KCNH1: variants seen among roughly 807,000 people sequenced by gnomAD.
KCNH1 encodes the protein voltage-gated delayed rectifier potassium channel KCNH1.
KCNH1 carries 27 observed loss-of-function variants against 69.2 expected under a neutral mutation model. That is an observed-to-expected ratio of 0.39 (90% CI 0.29 to 0.54). KCNH1 has a LOEUF of 0.54. KCNH1 is among the 20% of genes least tolerant of loss of function. The pLI is 0.68. For missense variants in KCNH1, 798 were observed against 1,261.6 expected (o/e 0.63, Z 5.57); for synonymous variants, 456 against 487.7 (o/e 0.93, Z 0.86).
chr1:211,119,075 T>C lies in KCNH1; in HGVS notation c.80-11698A>G, dbSNP rs184582903. Among the ~76,000 whole-genome samples the C allele has an allele frequency of 2.6e-5, 4 of 152,290 alleles. No homozygotes were observed. The East Asian group carries it at 7.7e-4, about 29-fold the overall frequency. On this transcript the variant is annotated intron_variant, in intron 1 of 10. Transcript: ENST00000271751. ...ATCAGTACTCTTACAAAAAGCAAGTTTGAGGCCGGGCGCGGTGGCTCATGC... is the reference window on the plus strand; with the variant it reads ...ATCAGTACTCTTACAAAAAGCAAGTCTGAGGCCGGGCGCGGTGGCTCATGC...
At chr1:210,863,872 C>A (rs190433128) in intron 7 of KCNH1, among the ~76,000 whole-genome samples, 1 of 152,278 alleles carries the variant, frequency 6.6e-6, no homozygotes, top group Non-Finnish European at 1.5e-5. Context: ...TCTGTCAACC[C>A]TGACCTCTCC....
intron 1 of KCNH1, 108 bp from the exon 2 acceptor site, chr1:211,107,485 T>TGGAGGG: frequency 2.7e-6 from 3 of 1,121,948 alleles, no homozygotes; most frequent in Non-Finnish European, 3.8e-6. Context: ...TCTGATTCCC[T>TGGAGGG]CCAAAACATA....
At chr1:210,734,777 A>G (rs1166617726) in intron 10 of KCNH1, among the ~76,000 whole-genome samples, 1 of 151,948 alleles carries the variant, frequency 6.6e-6, no homozygotes, top group African/African-American at 2.4e-5. Flanking sequence ...TGGAGAGGGT[A>G]CCCGTTTGAA....
intron 9 of KCNH1, among the ~76,000 whole-genome samples, chr1:210,790,670 T>G (rs1169765726): frequency 6.6e-6 from 1 of 152,228 alleles, no homozygotes; most frequent in Admixed American, 6.5e-5. Context: ...GGGCATGTGG[T>G]GTTGTATTTG....
intron 10 of KCNH1, among the ~76,000 whole-genome samples, chr1:210,735,954 G>T (rs1456128633): frequency 6.6e-6 from 1 of 152,098 alleles, no homozygotes; most frequent in Non-Finnish European, 1.5e-5. Context: ...TTTCATTATA[G>T]TGATTTTAAT....
chr1:210,762,264 A>G (rs535972226), intron 10 of KCNH1, among the ~76,000 whole-genome samples: 4 of 152,210 alleles, frequency 2.6e-5, no homozygotes, highest in African/African-American at 7.2e-5. Context: ...CTAAATGCCT[A>G]TATCAAGAAG....
chr1:210,904,494 G>C (rs537164084), intron 7 of KCNH1, among the ~76,000 whole-genome samples: 20 of 152,272 alleles, frequency 1.3e-4, no homozygotes, highest in African/African-American at 4.8e-4. Flanking sequence ...CCAAAGGCCA[G>C]TGGTACAAAT....
chr1:210,832,433 T>A (rs1377935286), intron 7 of KCNH1, among the ~76,000 whole-genome samples: 1 of 152,240 alleles, frequency 6.6e-6, no homozygotes, highest in Non-Finnish European at 1.5e-5. Flanking sequence ...ATCTACTTTT[T>A]AAAACTGCTC....
intron 6 of KCNH1, among the ~76,000 whole-genome samples, chr1:210,969,492 A>G (rs4951696): frequency 0.079 from 11,966 of 152,108 alleles, 664 homozygotes; most frequent in South Asian, 0.18. Flanking sequence ...AAGTTTTTCT[A>G]TTATTTTAAT....
chr1:210,718,492 G>GTA (rs1221952922), intron 10 of KCNH1, among the ~76,000 whole-genome samples: 1 of 20,942 alleles, frequency 4.8e-5, no homozygotes, highest in Non-Finnish European at 8.6e-5. Context: ...ATACATATAT[G>GTA]TATATATATA....
At chr1:210,886,968 A>G (rs979299997) in intron 7 of KCNH1, among the ~76,000 whole-genome samples, 6 of 152,158 alleles carry the variant, frequency 3.9e-5, no homozygotes, top group Non-Finnish European at 8.8e-5. Flanking sequence ...GTTGGAAAAC[A>G]CTCTTCAGGA....
At chr1:210,884,258 C>T (rs923262404) in intron 7 of KCNH1, among the ~76,000 whole-genome samples, 5 of 152,126 alleles carry the variant, frequency 3.3e-5, no homozygotes, top group African/African-American at 1.2e-4. Flanking sequence ...GCATCAAGTC[C>T]AACAATGTGG....
intron 7 of KCNH1, chr1:210,859,662 T>C (rs1428974905): frequency 1.3e-5 from 17 of 1,309,140 alleles, no homozygotes; most frequent in Non-Finnish European, 1.8e-5. Context: ...GGCAGGCATA[T>C]GCTCTTTTTA....
At position 211,133,675 on chromosome 1, in the gene KCNH1, G is replaced by T. The variant is rs1691918673; in HGVS notation, c.79+192C>A. Reference sequence around the variant, plus strand: ...CAGAAGAGCTCTCCTGTTAGGATGGGGACCCATCAGACCCCGCCCCGCCCT... The same window carrying T: ...CAGAAGAGCTCTCCTGTTAGGATGGTGACCCATCAGACCCCGCCCCGCCCT... On this transcript the variant is annotated intron_variant, in intron 1 of 10. Coordinates refer to ENST00000271751, the MANE Select transcript of KCNH1 (RefSeq NM_172362.3). The surrounding 1 kb of genome is among the most constrained non-coding windows in gnomAD (Gnocchi z 5.4). 6.6e-6 allele frequency among the ~76,000 whole-genome samples: 1 copy of T among 152,100 alleles called. No homozygotes were observed. Among genetic ancestry groups the T allele is most frequent in the African/African-American group, 2.4e-5 (1 of 41,432 alleles).
chr1:210,996,786 C>A (rs1689051281), intron 6 of KCNH1, among the ~76,000 whole-genome samples: 1 of 152,210 alleles, frequency 6.6e-6, no homozygotes, highest in Non-Finnish European at 1.5e-5. Flanking sequence ...TGAGACAAAA[C>A]TCCCAGAGGA....
At chr1:211,076,738 C>T (rs560531853) in intron 5 of KCNH1, among the ~76,000 whole-genome samples, 1 of 152,310 alleles carries the variant, frequency 6.6e-6, no homozygotes, top group African/African-American at 2.4e-5. Flanking sequence ...AGCAATGGAA[C>T]AAAGCTGGAT....
chr1:211,020,866 A>T (rs762694753), intron 5 of KCNH1, among the ~76,000 whole-genome samples: 1 of 152,076 alleles, frequency 6.6e-6, no homozygotes, highest in Non-Finnish European at 1.5e-5. Context: ...GATGCATCAC[A>T]TCAGCAGTAG....
chr1:210,806,789 G>C (rs1684573125), intron 7 of KCNH1, among the ~76,000 whole-genome samples: 2 of 119,622 alleles, frequency 1.7e-5, no homozygotes, highest in Non-Finnish European at 3.4e-5. Context: ...GGCCAATATG[G>C]TGAAACCCCA....
At chr1:210,854,690 A>G (rs1207303868) in intron 7 of KCNH1, among the ~76,000 whole-genome samples, 1 of 152,216 alleles carries the variant, frequency 6.6e-6, no homozygotes. Context: ...GGACCACCTG[A>G]GGAGAAGGGA....
Sources: gnomAD v4.1 joint callset for allele counts (sites outside exome capture counted in the v4.1 genomes callset) on GRCh38, gnomAD v4.1.1 for gene constraint, Gnocchi (gnomAD v3.1) non-coding constraint, MANE v1.5 for transcripts, NCBI Gene and HGNC (gene_info 2026-07-23, HGNC 2026-07-21) for gene names.